Variants in PCDHA6 observed in about 807,000 individuals in gnomAD.
PCDHA6 encodes the protein protocadherin alpha-6.
In PCDHA6, 55 loss-of-function variants were observed where a neutral mutation model predicts 60.3. The ratio of observed to expected loss-of-function variants is 0.91; its 90% CI spans 0.73 to 1.14. PCDHA6 has a LOEUF of 1.14. PCDHA6 is among the 50% of genes most tolerant of loss of function. The pLI, the probability that PCDHA6 is intolerant of heterozygous loss-of-function variation, is 0.00. For missense variants in PCDHA6, 1,327 were observed against 1,256.5 expected (o/e 1.06, Z -0.85); for synonymous variants, 652 against 557.9 (o/e 1.17, Z -2.38).
chr5:140,900,143 G>C (rs1198470231), intron 1 of PCDHA6, among the ~76,000 whole-genome samples: 2 of 152,156 alleles, frequency 1.3e-5, no homozygotes, highest in African/African-American at 2.4e-5. Flanking sequence ...AAATAAGTAA[G>C]AACATACGAT....
intron 3 of PCDHA6, among the ~76,000 whole-genome samples, chr5:140,984,674 G>A (rs2097114009): frequency 6.6e-6 from 1 of 152,090 alleles, no homozygotes; most frequent in Non-Finnish European, 1.5e-5. Context: ...AGGTTTTTAG[G>A]ACTCAATATA....
At chr5:140,835,581 A>G in intron 1 of PCDHA6, 1 of 1,613,870 alleles carries the variant, frequency 6.2e-7, no homozygotes, top group Non-Finnish European at 8.5e-7. Flanking sequence ...GTTGGTGTCC[A>G]CCTTCAAGAA....
intron 1 of PCDHA6, among the ~76,000 whole-genome samples, chr5:140,944,370 A>G (rs1554216325): frequency 6.6e-6 from 1 of 151,966 alleles, no homozygotes; most frequent in Admixed American, 6.6e-5. Flanking sequence ...AATTTTTTAT[A>G]GAGATGGAGT....
chr5:140,884,113 G>A, intron 1 of PCDHA6: 2 of 1,613,388 alleles, frequency 1.2e-6, no homozygotes, highest in Non-Finnish European at 1.7e-6. Context: ...AGCTGGCGGC[G>A]GTCGGCGCGC....
chr5:140,991,172 G>T (rs2097436221), intron 3 of PCDHA6, among the ~76,000 whole-genome samples: 1 of 152,160 alleles, frequency 6.6e-6, no homozygotes, highest in Non-Finnish European at 1.5e-5. Flanking sequence ...CCATTGTCAA[G>T]CAGGATGCCT....
At chr5:140,833,320 T>C (rs1179944167) in intron 1 of PCDHA6, among the ~76,000 whole-genome samples, 1 of 152,170 alleles carries the variant, frequency 6.6e-6, no homozygotes, top group Non-Finnish European at 1.5e-5. Context: ...TTACATGCCA[T>C]TGGGAACATT....
At chr5:140,833,718 T>G (rs1772594795) in intron 1 of PCDHA6, among the ~76,000 whole-genome samples, 1 of 151,380 alleles carries the variant, frequency 6.6e-6, no homozygotes, top group Non-Finnish European at 1.5e-5. Flanking sequence ...AGTGTCTGGA[T>G]AGTTGCTAAT....
intron 1 of PCDHA6, chr5:140,850,389 A>G (rs2150482026): frequency 7.5e-6 from 12 of 1,597,864 alleles, no homozygotes; most frequent in Non-Finnish European, 1.0e-5. Flanking sequence ...GGGCGAGATC[A>G]GCACAACGCG....
intron 1 of PCDHA6, among the ~76,000 whole-genome samples, chr5:140,978,150 C>A (rs1009630892): frequency 6.6e-6 from 1 of 152,168 alleles, no homozygotes; most frequent in Non-Finnish European, 1.5e-5. Context: ...TTGTTCTCCC[C>A]CTTCAGACTG....
intron 1 of PCDHA6, chr5:140,841,898 G>A: frequency 1.9e-6 from 3 of 1,613,824 alleles, no homozygotes; most frequent in African/African-American, 1.3e-5. Context: ...TAAACTGGTT[G>A]AGCTCGTATT....
rs2096146085 is a variant in PCDHA6 at position 140,967,476 on chromosome 5, G to T, written c.2395-11473G>T. ...GCCGTGGATGGGGGCATCCCAGCCC[G>T]CTCGGGTACGGCACAGATCTCTGTG... On this transcript the variant is annotated intron_variant, in intron 1 of 3. Transcript: ENST00000529310. The T allele has an allele frequency of 6.2e-7, 1 of 1,613,324 alleles. No individual in the cohort carries two copies. The highest frequency in any genetic ancestry group is 1.3e-5 in the African/African-American group (1 of 75,056).
chr5:140,852,702 A>G, intron 1 of PCDHA6: 1 of 977,718 alleles, frequency 1.0e-6, no homozygotes, highest in Non-Finnish European at 1.2e-6. Context: ...ACTTTCAAGT[A>G]TCTTTGTCTT....
At chr5:140,882,300 C>T in intron 1 of PCDHA6, 2 of 1,613,722 alleles carry the variant, frequency 1.2e-6, no homozygotes, top group Non-Finnish European at 1.7e-6. Context: ...GGCCCAAGAC[C>T]GCGGCAACTA....
At chr5:140,857,727 A>C in intron 1 of PCDHA6, 1 of 1,597,294 alleles carries the variant, frequency 6.3e-7, no homozygotes, top group South Asian at 1.1e-5. Flanking sequence ...GAGAACGACA[A>C]CGCTCCCGCG....
chr5:140,926,656 T>C (rs1372034097), intron 1 of PCDHA6: 1 of 513,300 alleles, frequency 1.9e-6, no homozygotes, highest in Non-Finnish European at 3.1e-6. Flanking sequence ...CGGCTCCGCT[T>C]TCCCAGACGG....
Position 140,829,654 on chromosome 5 carries a change from G to C in PCDHA6, c.1563G>C (p.Gln521His). Residue 521 changes from glutamine to histidine, a missense_variant, in exon 1 of 4, where the codon CAG (glutamine) becomes CAC (histidine). Gln to His is a conservative substitution (Grantham distance 24, BLOSUM62 0). Coordinates refer to ENST00000529310, the MANE Select transcript of PCDHA6 (RefSeq NM_018909.4). Reference protein sequence around the residue: ...HAESGKVYALQPLDHEELELL... With the variant: ...HAESGKVYALHPLDHEELELL... ...AGAGCGGCAAGGTGTACGCGCTGCA[G>C]CCGCTGGACCACGAGGAGCTAGAGC... 1 of 1,612,542 alleles carries C rather than the reference G, an allele frequency of 6.2e-7. No homozygotes were observed. The highest frequency in any genetic ancestry group is 8.5e-7 in the Non-Finnish European group (1 of 1,179,820).
intron 1 of PCDHA6, among the ~76,000 whole-genome samples, chr5:140,901,194 T>A (rs562699930): frequency 2.7e-4 from 41 of 152,236 alleles, no homozygotes; most frequent in Non-Finnish European, 5.1e-4. Flanking sequence ...TGCTTTTCTG[T>A]GCAGAAGGTT....
chr5:140,853,458 T>C (rs17119248), intron 1 of PCDHA6: 56,285 of 974,400 alleles, frequency 0.058, 6,090 homozygotes, highest in Middle Eastern at 0.078. Context: ...GGTCTCCTTA[T>C]ATGCATCTGT....
chr5:140,875,952 G>A (rs782164384), intron 1 of PCDHA6: 2 of 1,614,102 alleles, frequency 1.2e-6, no homozygotes, highest in South Asian at 2.2e-5. Flanking sequence ...CTTCTGATGC[G>A]GATATCGGCG....
Sources: allele counts gnomAD v4.1 joint callset (sites outside exome capture counted in the v4.1 genomes callset), GRCh38; gene constraint gnomAD v4.1.1; transcripts MANE v1.5; gene names NCBI Gene and HGNC (gene_info 2026-07-23, HGNC 2026-07-21).